The following NBAS variants were observed in gnomAD, a reference collection of about 807,000 sequenced individuals.
NBAS encodes NBAS subunit of NRZ tethering complex, also known as NAG/BC035112 fusion.
NBAS carries 219 observed loss-of-function variants against 302.5 expected under a neutral mutation model. The observed-to-expected ratio is 0.72, with a 90% CI of 0.65 to 0.81. The LOEUF (loss-of-function observed/expected upper bound fraction) is 0.81. NBAS is among the 30% of genes least tolerant of loss of function. NBAS has a pLI of 0.00. For missense variants in NBAS, 2,932 were observed against 2,841.6 expected (o/e 1.03, Z -0.72); for synonymous variants, 1,118 against 1,021.6 (o/e 1.09, Z -1.80).
intron 12 of NBAS, among the ~76,000 whole-genome samples, 153 bp from the exon 13 acceptor site, chr2:15,478,442 C>A (rs1435081353): frequency 6.6e-6 from 1 of 152,112 alleles, no homozygotes; most frequent in Non-Finnish European, 1.5e-5. Flanking sequence ...CCATGATAGT[C>A]TGGAAAAGCA....
At chr2:15,008,003 G>T in the NBAS span, among the ~76,000 whole-genome samples, 2 of 152,144 alleles carry the variant, frequency 1.3e-5, no homozygotes, top group Non-Finnish European at 2.9e-5. Flanking sequence ...GACATAATTT[G>T]GTCCCTCCAT....
chr2:14,834,611 C>T, the NBAS span, among the ~76,000 whole-genome samples: 2 of 152,076 alleles, frequency 1.3e-5, no homozygotes, highest in African/African-American at 4.8e-5. Context: ...AGGAAGACTA[C>T]AGTAAGGTTA....
Position 15,505,477 on chromosome 2 carries a change from A to G in NBAS, c.886-1264T>C, listed in dbSNP as rs138055919. ...AGTGCCTTTTGCCAAAGGGGTGGTA[A>G]AGGGGAAAGGAAGCAAAGGGGCAAA... On this transcript the variant is annotated intron_variant, in intron 10 of 51. Coordinates refer to ENST00000281513, the MANE Select transcript of NBAS (RefSeq NM_015909.4). Among the ~76,000 whole-genome samples the G allele has an allele frequency of 5.2e-3, 786 of 152,242 alleles. 9 individuals are homozygous for G. The highest frequency in any genetic ancestry group is 0.018 in the African/African-American group (755 of 41,538).
At chr2:14,934,650 T>C in the NBAS span, among the ~76,000 whole-genome samples, 1 of 152,204 alleles carries the variant, frequency 6.6e-6, no homozygotes, top group Admixed American at 6.5e-5. Context: ...TTTAATACCC[T>C]ATGTCAACTT....
chr2:15,328,509 A>C (rs567345563), intron 36 of NBAS, among the ~76,000 whole-genome samples, 197 bp from the exon 37 acceptor site: 1 of 152,294 alleles, frequency 6.6e-6, no homozygotes, highest in South Asian at 2.1e-4. Context: ...AGAATGAAGG[A>C]TCATAACTAC....
intron 42 of NBAS, among the ~76,000 whole-genome samples, chr2:15,284,375 G>T (rs79938283): frequency 6.6e-6 from 1 of 152,126 alleles, no homozygotes; most frequent in Admixed American, 6.5e-5. Flanking sequence ...GAATTATCTT[G>T]CCCATGGACA....
At chr2:15,394,614 C>G (rs1558300445) in intron 27 of NBAS, among the ~76,000 whole-genome samples, 1 of 152,064 alleles carries the variant, frequency 6.6e-6, no homozygotes, top group Non-Finnish European at 1.5e-5. Flanking sequence ...ATCTTTATCT[C>G]AAAAATCTTT....
At chr2:15,498,836 A>G (rs995406643) in intron 11 of NBAS, among the ~76,000 whole-genome samples, 1 of 151,914 alleles carries the variant, frequency 6.6e-6, no homozygotes, top group Non-Finnish European at 1.5e-5. Flanking sequence ...GTAAGTTTCC[A>G]GAGGCCTCCC....
At chr2:15,194,909 A>C (rs1212445069) in intron 48 of NBAS, among the ~76,000 whole-genome samples, 7 of 152,184 alleles carry the variant, frequency 4.6e-5, no homozygotes, top group Admixed American at 4.6e-4. Context: ...TGGAAAGAAA[A>C]AATAAAATTC....
At chr2:15,080,849 G>A in the NBAS span, among the ~76,000 whole-genome samples, 5 of 152,260 alleles carry the variant, frequency 3.3e-5, 1 homozygote, top group South Asian at 8.3e-4. Flanking sequence ...TCAAATATCC[G>A]GGAAGTACAA....
chr2:14,928,218 A>G, the NBAS span, among the ~76,000 whole-genome samples: 1 of 152,188 alleles, frequency 6.6e-6, no homozygotes, highest in Admixed American at 6.5e-5. Context: ...GTGACCTGTC[A>G]TGAAGAGCTA....
the NBAS span, among the ~76,000 whole-genome samples, chr2:14,977,850 T>C: frequency 6.6e-6 from 1 of 152,208 alleles, no homozygotes; most frequent in South Asian, 2.1e-4. Context: ...CTTACTCCAA[T>C]TCTTCAATAG....
At chr2:15,397,241 C>T (rs2148417033) in intron 26 of NBAS, among the ~76,000 whole-genome samples, 1 of 152,336 alleles carries the variant, frequency 6.6e-6, no homozygotes, top group African/African-American at 2.4e-5. Context: ...TCATCCTAGA[C>T]AACTCTGTGT....
chr2:15,337,866 C>G (rs893190034), intron 35 of NBAS, among the ~76,000 whole-genome samples: 19 of 152,104 alleles, frequency 1.2e-4, no homozygotes, highest in African/African-American at 4.6e-4. Flanking sequence ...AACTTACCCC[C>G]GAAATGATTA....
At chr2:14,954,183 A>G in the NBAS span, among the ~76,000 whole-genome samples, 26 of 152,240 alleles carry the variant, frequency 1.7e-4, no homozygotes, top group Admixed American at 1.7e-3. Flanking sequence ...GAAAAAGTAC[A>G]AACAGAATGT....
At chr2:14,842,696 A>C in the NBAS span, among the ~76,000 whole-genome samples, 3 of 152,018 alleles carry the variant, frequency 2.0e-5, no homozygotes, top group Non-Finnish European at 4.4e-5. Context: ...AGAAAAGTCT[A>C]AGATCTGTTG....
chr2:14,863,654 G>A, the NBAS span, among the ~76,000 whole-genome samples: 8 of 152,190 alleles, frequency 5.3e-5, no homozygotes, highest in African/African-American at 1.9e-4. Context: ...GGTCACAGGG[G>A]TTACAATGGC....
At position 15,467,772 on chromosome 2, in the gene NBAS, C is replaced by T. The variant is rs1479823236; in HGVS notation, c.1910G>A (p.Ser637Asn). 1.9e-6 allele frequency: 3 copies of T among 1,592,934 alleles called. No individual in the cohort carries two copies. Among genetic ancestry groups the T allele is most frequent in the Non-Finnish European group, 2.6e-6 (3 of 1,161,184 alleles). ...TGGTGAAAGCTCTTCATAGGAGATA[C>T]TGTCAATGTCTATTTCACCAGGTAA... ...FTLPGEIDIDSISYEELSPPD... is the reference protein window; with the variant it reads ...FTLPGEIDIDNISYEELSPPD... The change falls in exon 18 of 52, where the codon AGT becomes AAT. Residue 637 changes from serine to asparagine, a missense_variant. By Grantham distance (46) the Ser-to-Asn change is conservative. Coordinates refer to ENST00000281513, the MANE Select transcript of NBAS (RefSeq NM_015909.4).
At chr2:15,106,031 C>T in the NBAS span, among the ~76,000 whole-genome samples, 1 of 152,234 alleles carries the variant, frequency 6.6e-6, no homozygotes, top group East Asian at 1.9e-4. Flanking sequence ...AATGAGATGG[C>T]TTTGGATACT....
Sources: gnomAD v4.1 joint callset for allele counts (sites outside exome capture counted in the v4.1 genomes callset) on GRCh38, gnomAD v4.1.1 for gene constraint, MANE v1.5 for transcripts, NCBI Gene and HGNC (gene_info 2026-07-23, HGNC 2026-07-21) for gene names.